Variants in TRAPPC14 observed in about 807,000 individuals in gnomAD.
TRAPPC14 encodes the protein microtubule associated protein 11.
A neutral mutation model predicts 56.6 loss-of-function variants in TRAPPC14; 24 were observed. The observed-to-expected ratio is 0.42, with a 90% CI of 0.31 to 0.60. The LOEUF (loss-of-function observed/expected upper bound fraction) is 0.60, where lower values mean the gene tolerates loss of function less well. Ranked by LOEUF, TRAPPC14 falls within the 20% of genes least tolerant of loss-of-function variation. The pLI is 0.14. For synonymous variants in TRAPPC14, 377 were observed against 347.0 expected (o/e 1.09, Z -0.96); for missense variants, 615 against 790.3 (o/e 0.78, Z 2.66).
chr7:100,157,607 C>T lies in TRAPPC14; in HGVS notation c.637+26G>A, dbSNP rs554881429. 61 of 1,613,614 alleles carry T rather than the reference C, an allele frequency of 3.8e-5. 1 individual carries two copies. The East Asian group carries it at 1.2e-3, about 33-fold the overall frequency. The stretch of plus-strand genomic sequence containing the variant: ...GTCCCCCAATTCCCAGACTCTAGCC[C>T]TTTGCCTCTGCGCTGCCCTGCCCAC... On this transcript the variant is annotated intron_variant, in intron 3 of 10. Transcript: ENST00000316937.
rs761727928 is a variant in TRAPPC14 at position 100,155,488 on chromosome 7, G to A, written c.1396-33C>T. On this transcript the variant is annotated intron_variant, in intron 9 of 10. Coordinates refer to ENST00000316937, the MANE Select transcript of TRAPPC14 (RefSeq NM_018275.5). Reference sequence around the variant, plus strand: ...GAGACACAGGTCAGCATGCCAGCTCGGCTTCCAGGACCCAGGCCTCCTTCC... The same window carrying A: ...GAGACACAGGTCAGCATGCCAGCTCAGCTTCCAGGACCCAGGCCTCCTTCC... 16 of 1,517,156 alleles carry A rather than the reference G, an allele frequency of 1.1e-5. No individual in the cohort carries two copies. In the Admixed American group the frequency reaches 1.3e-4, roughly 13 times the overall value. 94.0% of individuals were successfully genotyped at this position (1,517,156 alleles called of 1,614,324 possible).
rs1376532927 is a variant in TRAPPC14 at position 100,158,368 on chromosome 7, G to T, written c.132C>A (p.Val44=). ...RRNHLYLGET[V]RFLLVLRCRG... ...GGCAGCGCAACACCAGCAGAAAACG[G>T]ACAGTCTCCCCCAAGTACAGATGGT... The change falls in exon 1 of 11, where the codon GTC becomes GTA. Residue 44 remains valine, a synonymous_variant. Coordinates refer to ENST00000316937, the MANE Select transcript of TRAPPC14 (RefSeq NM_018275.5). The T allele has an allele frequency of 6.7e-7, 1 of 1,492,524 alleles. No homozygotes were observed. 92.5% of individuals were successfully genotyped at this position (1,492,524 alleles called of 1,614,324 possible).
Position 100,157,680 on chromosome 7 carries a change from G to A in TRAPPC14, c.590C>T (p.Ser197Phe). Residue 197 changes from serine (S) to phenylalanine (F), a missense_variant, in exon 3 of 11, where the codon TCT becomes TTT. Transcript: ENST00000316937. ...CTCGCCCCGGAATGTCTCCCCAGGA[G>A]ATCGGGTCTGCAGCAATCGCAGGTA... The part of the protein sequence containing the change: ...QGYLRLLQTR[S>F]PGETFRGEQS... 1.2e-6 allele frequency: 2 copies of A among 1,614,246 alleles called. No individual in the cohort carries two copies. Among genetic ancestry groups the A allele is most frequent in the Non-Finnish European group, 1.7e-6 (2 of 1,180,052 alleles).
Position 100,155,321 on chromosome 7 carries a change from A to G in TRAPPC14, c.1530T>C (p.Ala510=), listed in dbSNP as rs1798853516. 2 of 1,553,752 alleles carry G rather than the reference A, an allele frequency of 1.3e-6. No homozygotes were observed. Among genetic ancestry groups the G allele is most frequent in the Non-Finnish European group, 1.7e-6 (2 of 1,149,132 alleles). The change falls in exon 10 of 11, where the codon GCT becomes GCC. Residue 510 remains alanine (A), a synonymous_variant. Coordinates refer to ENST00000316937, the MANE Select transcript of TRAPPC14 (RefSeq NM_018275.5). ...AVRDLVERHQ[A]SLGRSQSFSH... is the part of the protein sequence containing the mutation. The stretch of plus-strand genomic sequence containing the variant: ...AGAAGGACTGGGAGCGGCCCAGGCT[A>G]GCCTGATGCCTCTCCACCAAGTCCC...
At position 100,156,721 on chromosome 7, in the gene TRAPPC14, A is replaced by G. The variant is rs1252633394; in HGVS notation, c.994-5T>C. On this transcript the variant is annotated splice_polypyrimidine_tract_variant and splice_region_variant and intron_variant, in intron 6 of 10. Transcript: ENST00000316937. ...AATCAGGGGAACTTCCAGGCCCTGC[A>G]GGAGGGACAAAGGGGGTTGGCACAG... is the stretch of plus-strand genomic sequence containing the variant. 5 of 1,608,944 alleles carry G rather than the reference A, an allele frequency of 3.1e-6. No individual in the cohort carries two copies. The highest frequency in any genetic ancestry group is 1.7e-5 in the Admixed American group (1 of 59,534).
Position 100,158,352 on chromosome 7 carries a change from A to G in TRAPPC14, c.148T>C (p.Leu50=), listed in dbSNP as rs753808775. The change falls in exon 1 of 11, where the codon TTG becomes CTG. Residue 50 remains leucine (L), a synonymous_variant. Transcript: ENST00000316937. ...GACCCCGCACCGCCCCGGCAGCGCA[A>G]CACCAGCAGAAAACGGACAGTCTCC... ...LGETVRFLLV[L]RCRGGAGSGT... is the part of the protein sequence containing the mutation. The G allele has an allele frequency of 4.7e-5, 70 of 1,485,252 alleles. No individual in the cohort carries two copies. The highest frequency in any genetic ancestry group is 6.2e-5 in the Non-Finnish European group (69 of 1,120,908). The allele number at this position is 1,485,252 out of a possible 1,614,324, so 92.0% of individuals were successfully genotyped here.
chr7:100,155,354 A>AGGGCTGCTG lies in TRAPPC14; in HGVS notation c.1488_1496dup (p.Ser497_Pro499dup). The AGGGCTGCTG allele has an allele frequency of 6.4e-7, 1 of 1,550,944 alleles. No homozygotes were observed. Among genetic ancestry groups the AGGGCTGCTG allele is most frequent in the Non-Finnish European group, 8.7e-7 (1 of 1,147,606 alleles). On this transcript the variant is annotated inframe_insertion, in exon 10 of 11. Coordinates refer to ENST00000316937, the MANE Select transcript of TRAPPC14 (RefSeq NM_018275.5). ...GCCTCTCCACCAAGTCCCGGACAGCAGGGCTGCTGGGGCTGCTCTTGCGGG... is the reference window on the plus strand; with the variant it reads ...GCCTCTCCACCAAGTCCCGGACAGCAGGGCTGCTGGGGCTGCTGGGGCTGCTCTTGCGGG...
At chr7:100,155,851 A>G in intron 8 of TRAPPC14, 26 bp from the exon 9 acceptor site, 2 of 1,614,098 alleles carry the variant, frequency 1.2e-6, no homozygotes, top group Non-Finnish European at 1.7e-6. Context: ...GGGACCAGCA[A>G]ACACTACAGC....
Position 100,158,080 on chromosome 7 carries a change from G to T in TRAPPC14, c.411+9C>A. 2.0e-6 allele frequency: 3 copies of T among 1,464,040 alleles called. No individual in the cohort carries two copies. The highest frequency in any genetic ancestry group is 9.0e-7 in the Non-Finnish European group (1 of 1,105,130). 90.7% of individuals were successfully genotyped at this position (1,464,040 alleles called of 1,614,324 possible). ...TCCGTCCTGTGCCAGGTCCCCCAAA[G>T]CTCCTCACCGTGGTCGCTCCCCCTG... On this transcript the variant is annotated intron_variant, in intron 1 of 10. Transcript: ENST00000316937.
At position 100,154,825 on chromosome 7, in the gene TRAPPC14, G is replaced by C; in HGVS notation, c.*186C>G. 3 of 633,774 alleles carry C rather than the reference G, an allele frequency of 4.7e-6. No homozygotes were observed. The South Asian group carries it at 5.7e-5, about 12-fold the overall frequency. The allele number at this position is 633,774 out of a possible 1,614,324, so 39.3% of individuals were successfully genotyped here. A position where few individuals can be genotyped will look rare whatever the true frequency, so the allele number is the denominator to read the frequency against. ...GGGGAATACTGGTGGCTTAGTCCCAGCCATGCCCGCCCACTTCACAGCTTC... is the reference window on the plus strand; with the variant it reads ...GGGGAATACTGGTGGCTTAGTCCCACCCATGCCCGCCCACTTCACAGCTTC... On this transcript the variant is annotated 3_prime_UTR_variant, in exon 11 of 11. Transcript: ENST00000316937.
In TRAPPC14 at chr7:100,154,852, T is replaced by C. The variant is rs1584616768; in HGVS notation, c.*159A>G. On this transcript the variant is annotated 3_prime_UTR_variant, in exon 11 of 11. Coordinates refer to ENST00000316937, the MANE Select transcript of TRAPPC14 (RefSeq NM_018275.5). ...CATGCCCGCCCACTTCACAGCTTCT[T>C]CCCCCATCCCTCATCAGCAGACACA... is the stretch of plus-strand genomic sequence containing the variant. 4.3e-6 allele frequency: 3 copies of C among 691,124 alleles called. No homozygotes were observed. The highest frequency in any genetic ancestry group is 7.5e-6 in the Non-Finnish European group (3 of 398,330). The allele number at this position is 691,124 out of a possible 1,614,324, so 42.8% of individuals were successfully genotyped here. A position where few individuals can be genotyped will look rare whatever the true frequency, so the allele number is the denominator to read the frequency against.
Position 100,158,098 on chromosome 7 carries a change from T to C in TRAPPC14, c.402A>G (p.Gly134=). ...THGPGPATSG[G]ATTLPVEEPI... The stretch of plus-strand genomic sequence containing the variant: ...CCCCAAAGCTCCTCACCGTGGTCGC[T>C]CCCCCTGAGGTAGCAGGGCCCGGGC... The change falls in exon 1 of 11, where the codon GGA becomes GGG. Residue 134 remains glycine, a synonymous_variant. Coordinates refer to ENST00000316937, the MANE Select transcript of TRAPPC14 (RefSeq NM_018275.5). 9.5e-6 allele frequency: 14 copies of C among 1,480,762 alleles called. No homozygotes were observed. Among genetic ancestry groups the C allele is most frequent in the East Asian group, 5.2e-5 (2 of 38,798 alleles). 91.7% of individuals were successfully genotyped at this position (1,480,762 alleles called of 1,614,324 possible). A position where few individuals can be genotyped will look rare whatever the true frequency, so the allele number is the denominator to read the frequency against.
Position 100,156,636 on chromosome 7 carries a change from G to A in TRAPPC14, c.1074C>T (p.Tyr358=), listed in dbSNP as rs142606351. 3.7e-6 allele frequency: 6 copies of A among 1,611,862 alleles called. No individual in the cohort carries two copies. In the African/African-American group the frequency reaches 8.0e-5, roughly 21 times the overall value. The change falls in exon 7 of 11, where the codon TAC becomes TAT. Residue 358 remains tyrosine (Y), a splice_region_variant and synonymous_variant. Transcript: ENST00000316937. ...ATTCCTCCAGGATCCACACTCACCG[G>A]TAGTGGGTGTAGATGCTCTGAGTGA... ...LPFTQSIYTH[Y]RLPSVRLDRP... is the part of the protein sequence containing the mutation.
In TRAPPC14 at chr7:100,157,435, G is replaced by A; in HGVS notation, c.662C>T (p.Pro221Leu). 6.2e-7 allele frequency: 1 copy of A among 1,613,722 alleles called. No individual in the cohort carries two copies. Among genetic ancestry groups the A allele is most frequent in the Non-Finnish European group, 8.5e-7 (1 of 1,180,024 alleles). The stretch of plus-strand genomic sequence containing the variant: ...CTGCCGGCATCTCAGAACCGGAGGG[G>A]GCAGCAGAGTCAGCAGCGTGCTCAC... Reference protein sequence around the residue: ...AQVSTLLTLLPPPVLRCRQFT... With the variant: ...AQVSTLLTLLLPPVLRCRQFT... Residue 221 changes from proline (P) to leucine (L), a missense_variant, in exon 4 of 11, where the codon CCC becomes CTC. Physicochemically the swap from Pro to Leu is moderately conservative, Grantham distance 98. Coordinates refer to ENST00000316937, the MANE Select transcript of TRAPPC14 (RefSeq NM_018275.5).
At chr7:100,155,939 A>G (rs1798870272) in intron 8 of TRAPPC14, 114 bp from the exon 9 acceptor site, 1 of 1,346,062 alleles carries the variant, frequency 7.4e-7, no homozygotes, top group Non-Finnish European at 1.1e-6. Context: ...AAACTGAGCA[A>G]ACGTTATCTT....
Position 100,155,432 on chromosome 7 carries a change from C to T in TRAPPC14, c.1419G>A (p.Lys473=), listed in dbSNP as rs747613585. ...LFELSQHMKL[K]LQFTASVSHP... is the part of the protein sequence containing the mutation. ...GGGACACGCTGGCGGTGAACTGCAG[C>T]TTCAGTTTCATGTGCTGGCTTAGCT... Residue 473 remains lysine, a synonymous_variant, in exon 10 of 11, where the codon AAG becomes AAA. Coordinates refer to ENST00000316937, the MANE Select transcript of TRAPPC14 (RefSeq NM_018275.5). 7 of 1,528,714 alleles carry T rather than the reference C, an allele frequency of 4.6e-6. No homozygotes were observed. Among genetic ancestry groups the T allele is most frequent in the Middle Eastern group, 1.7e-4 (1 of 5,822 alleles). 94.7% of individuals were successfully genotyped at this position (1,528,714 alleles called of 1,614,324 possible). A position where few individuals can be genotyped will look rare whatever the true frequency, so the allele number is the denominator to read the frequency against.
chr7:100,155,769 C>T lies in TRAPPC14; in HGVS notation c.1297G>A (p.Val433Ile), dbSNP rs757197629. Residue 433 changes from valine (V) to isoleucine (I), a missense_variant, in exon 9 of 11, where the codon GTC becomes ATC. Physicochemically the swap from Val to Ile is conservative, Grantham distance 29 (BLOSUM62 3). Transcript: ENST00000316937. ...RAMQAALDSVVCHTPLNNLGF... is the reference protein window; with the variant it reads ...RAMQAALDSVICHTPLNNLGF... ...AGGTTGTTGAGGGGCGTGTGGCAGACGACGGAGTCCAGGGCAGCCTGCATG... is the reference window on the plus strand; with the variant it reads ...AGGTTGTTGAGGGGCGTGTGGCAGATGACGGAGTCCAGGGCAGCCTGCATG... 32 of 1,614,084 alleles carry T rather than the reference C, an allele frequency of 2.0e-5. No homozygotes were observed. Among genetic ancestry groups the T allele is most frequent in the African/African-American group, 2.7e-5 (2 of 74,942 alleles).
At position 100,154,812 on chromosome 7, in the gene TRAPPC14, TG is replaced by T; in HGVS notation, c.*198del. On this transcript the variant is annotated 3_prime_UTR_variant, in exon 11 of 11. Transcript: ENST00000316937. Reference sequence around the variant, plus strand: ...CCCACAGGAACTCGGGGAATACTGGTGGCTTAGTCCCAGCCATGCCCGCCCA... The same window carrying T: ...CCCACAGGAACTCGGGGAATACTGGTGCTTAGTCCCAGCCATGCCCGCCCA... 1.6e-6 allele frequency: 1 copy of T among 608,718 alleles called. No individual in the cohort carries two copies. Among genetic ancestry groups the T allele is most frequent in the Non-Finnish European group, 2.9e-6 (1 of 343,550 alleles). The allele number at this position is 608,718 out of a possible 1,614,324, so 37.7% of individuals were successfully genotyped here. A position where few individuals can be genotyped will look rare whatever the true frequency, so the allele number is the denominator to read the frequency against.
chr7:100,156,337 T>C, intron 8 of TRAPPC14, 49 bp downstream of exon 8: 1 of 1,598,440 alleles, frequency 6.3e-7, no homozygotes, highest in Non-Finnish European at 8.6e-7. Flanking sequence ...ACTTTTTCCT[T>C]TCTCTTCCCC....
Sources: gnomAD v4.1 joint callset for allele counts on GRCh38, gnomAD v4.1.1 for gene constraint, MANE v1.5 for transcripts, NCBI Gene and HGNC (gene_info 2026-07-23, HGNC 2026-07-21) for gene names.